The following PRUNE2 variants were observed in gnomAD, a reference collection of about 807,000 sequenced individuals.
PRUNE2 encodes protein prune homolog 2.
PRUNE2 carries 164 observed loss-of-function variants against 252.0 expected under a neutral mutation model. The observed-to-expected ratio is 0.65, with a 90% CI of 0.57 to 0.74. The LOEUF (loss-of-function observed/expected upper bound fraction) is 0.74. PRUNE2 is among the 30% of genes least tolerant of loss of function. PRUNE2 has a pLI of 0.00. For synonymous variants in PRUNE2, 1,292 were observed against 1,350.2 expected (o/e 0.96, Z 0.94); for missense variants, 3,495 against 3,711.0 (o/e 0.94, Z 1.51).
At chr9:76,856,716 T>C (rs1448145671) in intron 1 of PRUNE2, 1 of 203,224 alleles carries the variant, frequency 4.9e-6, no homozygotes, top group East Asian at 1.5e-4. Flanking sequence ...CTGCAAAATT[T>C]TGAGGGTTCT....
At chr9:76,876,380 T>C (rs2061477639) in intron 1 of PRUNE2, among the ~76,000 whole-genome samples, 1 of 152,202 alleles carries the variant, frequency 6.6e-6, no homozygotes, top group Non-Finnish European at 1.5e-5. Flanking sequence ...TGAGGGTTCC[T>C]CCTGCTCACA....
chr9:76,801,755 C>T (rs189811839), intron 6 of PRUNE2, among the ~76,000 whole-genome samples: 31 of 152,180 alleles, frequency 2.0e-4, no homozygotes, highest in Admixed American at 3.9e-4. Context: ...GTAAGAGTAA[C>T]TTGAGAAGGA....
rs549333267 is a variant in PRUNE2, at chr9:76,804,237, C to A, written c.756+19395G>T. Among the ~76,000 whole-genome samples, 33 of 152,322 alleles carry A rather than the reference C, an allele frequency of 2.2e-4. No homozygotes were observed. The East Asian group carries it at 5.0e-3, about 23-fold the overall frequency. ...GTGAGGTACATGCCCACTGTGTCCC[C>A]CAAACTGCACGGGGCACACGGGCCT... On this transcript the variant is annotated intron_variant, in intron 6 of 18. Transcript: ENST00000376718.
chr9:76,703,391 A>G lies in PRUNE2; in HGVS notation c.8222T>C (p.Met2741Thr). Residue 2741 changes from methionine to threonine, a missense_variant, in exon 9 of 19, where the codon ATG (methionine) becomes ACG (threonine). Transcript: ENST00000376718. Reference protein sequence around the residue: ...VQKNMIPDTEMEEETEFLELG... With the variant: ...VQKNMIPDTETEEETEFLELG... ...CTCAAGGAACTCTGTCTCCTCCTCC[A>G]TTTCCGTGTCAGGGATCATGTTTTT... 1 of 1,612,528 alleles carries G rather than the reference A, an allele frequency of 6.2e-7. No individual in the cohort carries two copies. Among genetic ancestry groups the G allele is most frequent in the Non-Finnish European group, 8.5e-7 (1 of 1,179,120 alleles).
At chr9:76,748,221 G>T (rs182925784) in intron 6 of PRUNE2, among the ~76,000 whole-genome samples, 163 of 152,310 alleles carry the variant, frequency 1.1e-3, no homozygotes, top group Non-Finnish European at 2.0e-3. Flanking sequence ...AAGCTTTGGG[G>T]AGAAAAGATA....
At chr9:76,860,889 C>G (rs982445002) in intron 1 of PRUNE2, among the ~76,000 whole-genome samples, 9 of 152,332 alleles carry the variant, frequency 5.9e-5, no homozygotes, top group South Asian at 2.1e-4. Context: ...AGCTCCAAGT[C>G]AACCAGGGTG....
At chr9:76,783,047 A>G (rs756108782) in intron 6 of PRUNE2, among the ~76,000 whole-genome samples, 7 of 152,228 alleles carry the variant, frequency 4.6e-5, no homozygotes, top group East Asian at 1.9e-4. Flanking sequence ...AACAGTCCAC[A>G]TAGTAGGTAT....
chr9:76,831,151 G>A (rs1049645913), intron 4 of PRUNE2, among the ~76,000 whole-genome samples: 15 of 151,940 alleles, frequency 9.9e-5, no homozygotes, highest in South Asian at 2.1e-4. Context: ...GCATGGTCTC[G>A]ATCTCCTGAC....
chr9:76,808,009 C>T (rs1189795322), intron 6 of PRUNE2, among the ~76,000 whole-genome samples: 1 of 152,084 alleles, frequency 6.6e-6, no homozygotes, highest in Non-Finnish European at 1.5e-5. Flanking sequence ...GAAACCCCGT[C>T]TCTACTAAAA....
At chr9:76,615,730 A>G (rs1323749000) in intron 18 of PRUNE2, among the ~76,000 whole-genome samples, 4 of 143,414 alleles carry the variant, frequency 2.8e-5, no homozygotes, top group Admixed American at 2.1e-4. Flanking sequence ...CAGCAATAGT[A>G]CCTCGGTGGA....
At chr9:76,831,258 G>T (rs899299516) in intron 4 of PRUNE2, among the ~76,000 whole-genome samples, 2 of 151,570 alleles carry the variant, frequency 1.3e-5, no homozygotes, top group African/African-American at 4.9e-5. Flanking sequence ...CAAAATAAAG[G>T]CATTTCAGAA....
intron 1 of PRUNE2, among the ~76,000 whole-genome samples, chr9:76,876,686 C>G (rs1448866031): frequency 1.3e-5 from 2 of 152,092 alleles, no homozygotes; most frequent in African/African-American, 2.4e-5. Flanking sequence ...CATTCTAACT[C>G]TTCTGTTTCT....
chr9:76,832,717 A>G (rs1207899206), intron 4 of PRUNE2, among the ~76,000 whole-genome samples: 1 of 152,056 alleles, frequency 6.6e-6, no homozygotes, highest in East Asian at 1.9e-4. Flanking sequence ...GAAGGAAACA[A>G]ACACATATGG....
intron 6 of PRUNE2, chr9:76,819,429 A>C (rs2131881848): frequency 6.6e-6 from 1 of 152,300 alleles, no homozygotes; most frequent in South Asian, 2.1e-4. Context: ...TTACCAGCAA[A>C]CCATCAGAAG....
At chr9:76,826,109 G>T (rs1345226692) in intron 5 of PRUNE2, among the ~76,000 whole-genome samples, 1 of 152,180 alleles carries the variant, frequency 6.6e-6, no homozygotes, top group Non-Finnish European at 1.5e-5. Context: ...CTATTTGCAG[G>T]GGAGTCAACA....
intron 9 of PRUNE2, among the ~76,000 whole-genome samples, chr9:76,688,345 C>G (rs1165430346): frequency 6.6e-6 from 1 of 152,182 alleles, no homozygotes; most frequent in African/African-American, 2.4e-5. Flanking sequence ...TTTTCACTTG[C>G]AGTAAGTGTT....
rs1438594854 is a variant in PRUNE2, at chr9:76,636,972, AATGTGTGTGTGT to A, written c.8964-427_8964-416del. Reference sequence around the variant, plus strand: ...CTCCAACAACAACGACAACAACAAAAATGTGTGTGTGTGTGTGTGTGTGTGTGTGTGTGTGTG... The same window carrying A: ...CTCCAACAACAACGACAACAACAAAAGTGTGTGTGTGTGTGTGTGTGTGTG... On this transcript the variant is annotated intron_variant, in intron 14 of 18. Coordinates refer to ENST00000376718, the MANE Select transcript of PRUNE2 (RefSeq NM_015225.3). Among the ~76,000 whole-genome samples the A allele has an allele frequency of 4.0e-4, 53 of 131,548 alleles. 1 individual carries two copies. In the East Asian group the frequency reaches 7.9e-3, roughly 20 times the overall value. 86.3% of individuals were successfully genotyped at this position (131,548 alleles called of 152,430 possible).
chr9:76,864,346 T>C (rs539877397), intron 1 of PRUNE2, among the ~76,000 whole-genome samples: 2 of 152,278 alleles, frequency 1.3e-5, no homozygotes, highest in African/African-American at 2.4e-5. Context: ...TATTGGGTAC[T>C]ATGCTCACTA....
chr9:76,706,549 T>C lies in PRUNE2; in HGVS notation c.5725A>G (p.Asn1909Asp), dbSNP rs1178177415. Reference protein sequence around the residue: ...NGKNSHEQLWNIQPRQPDPDA... With the variant: ...NGKNSHEQLWDIQPRQPDPDA... Reference sequence around the variant, plus strand: ...GGGTCTGGCTGCCTTGGTTGAATGTTCCAGAGTTGCTCATGGGAGTTCTTC... The same window carrying C: ...GGGTCTGGCTGCCTTGGTTGAATGTCCCAGAGTTGCTCATGGGAGTTCTTC... Residue 1909 changes from asparagine (N) to aspartate (D), a missense_variant, in exon 8 of 19, where the codon AAC (asparagine) becomes GAC (aspartate). By Grantham distance (23) the Asn-to-Asp change is conservative (BLOSUM62 1). Transcript: ENST00000376718. The C allele has an allele frequency of 6.2e-7, 1 of 1,614,018 alleles. No individual in the cohort carries two copies.
Sources: gnomAD v4.1 joint callset for allele counts (sites outside exome capture counted in the v4.1 genomes callset) on GRCh38, gnomAD v4.1.1 for gene constraint, MANE v1.5 for transcripts, NCBI Gene and HGNC (gene_info 2026-07-23, HGNC 2026-07-21) for gene names.